The following PAK2 variants were observed in gnomAD, a reference collection of about 807,000 sequenced individuals.
PAK2 encodes the protein serine/threonine-protein kinase PAK 2.
In PAK2, 21 loss-of-function variants were observed where a neutral mutation model predicts 65.9. That is an observed-to-expected ratio of 0.32 (90% CI 0.23 to 0.46). The LOEUF (loss-of-function observed/expected upper bound fraction) is 0.46. Among genes scored for constraint, PAK2 ranks in the 20% least tolerant of loss-of-function variants. The probability of loss-of-function intolerance (pLI) is 1.00; values close to 1 mark genes in which losing one functional copy is unlikely to be tolerated. For synonymous variants in PAK2, 204 were observed against 219.7 expected (o/e 0.93, Z 0.63); for missense variants, 324 against 642.6 (o/e 0.50, Z 5.36).
Position 196,822,765 on chromosome 3 carries a change from G to A in PAK2, c.1350+2198G>A, listed in dbSNP as rs553027614. 1.4e-4 allele frequency among the ~76,000 whole-genome samples: 22 copies of A among 152,220 alleles called. 1 individual carries two copies. The highest frequency in any genetic ancestry group is 1.4e-3 in the Admixed American group (22 of 15,278). ...GCGTGCATAGGGAGGGCTTCCCTGAGGTGACATTTGGACACAGGAAGTAAG... is the reference window on the plus strand; with the variant it reads ...GCGTGCATAGGGAGGGCTTCCCTGAAGTGACATTTGGACACAGGAAGTAAG... On this transcript the variant is annotated intron_variant, in intron 13 of 14. Transcript: ENST00000327134.
intron 1 of PAK2, among the ~76,000 whole-genome samples, chr3:196,746,112 C>T (rs757706811): frequency 6.6e-5 from 10 of 152,050 alleles, no homozygotes; most frequent in Admixed American, 2.0e-4. Flanking sequence ...CATGAGCCAC[C>T]GTGCCCAGCC....
At chr3:196,781,983 G>A (rs188107159) in intron 1 of PAK2, among the ~76,000 whole-genome samples, 12 of 152,290 alleles carry the variant, frequency 7.9e-5, no homozygotes, top group Admixed American at 7.8e-4. Flanking sequence ...GCATGCGGCT[G>A]TAATTCCACC....
At chr3:196,779,310 T>C (rs1029578241) in intron 1 of PAK2, among the ~76,000 whole-genome samples, 2 of 152,202 alleles carry the variant, frequency 1.3e-5, no homozygotes, top group African/African-American at 4.8e-5. Flanking sequence ...CTATGGAAAA[T>C]CTTTCCTGTG....
Position 196,806,630 on chromosome 3 carries a change from G to A in PAK2, c.520G>A (p.Asp174Asn), listed in dbSNP as rs752528310. ...CGCAGTAGTGACAGAGGAGGAGGAT[G>A]ATGATGAAGAGACTGCTCCTCCCGT... is the stretch of plus-strand genomic sequence containing the variant. Reference protein sequence around the residue: ...APAVVTEEEDDDEETAPPVIA... With the variant: ...APAVVTEEEDNDEETAPPVIA... The change falls in exon 6 of 15, where the codon GAT (aspartate) becomes AAT (asparagine). Residue 174 changes from aspartate (D) to asparagine (N), a missense_variant. Coordinates refer to ENST00000327134, the MANE Select transcript of PAK2 (RefSeq NM_002577.4). 6.2e-7 allele frequency: 1 copy of A among 1,613,550 alleles called. No individual in the cohort carries two copies. The highest frequency in any genetic ancestry group is 1.1e-5 in the South Asian group (1 of 91,074).
rs761722491 is a variant in PAK2 at position 196,749,260 on chromosome 3, AC to A, written c.-22+9106del. Among the ~76,000 whole-genome samples, 4 of 152,148 alleles carry A rather than the reference AC, an allele frequency of 2.6e-5. No individual in the cohort carries two copies. In the South Asian group the frequency reaches 6.2e-4, roughly 24 times the overall value. ...TTGTTTTCAGTTATTTCGGGTACAT[AC>A]CCAGAATGGAATTGCTGGGTCATAT... On this transcript the variant is annotated intron_variant, in intron 1 of 14. Coordinates refer to ENST00000327134, the MANE Select transcript of PAK2 (RefSeq NM_002577.4).
At chr3:196,793,133 C>A (rs1035717466) in intron 2 of PAK2, among the ~76,000 whole-genome samples, 4 of 152,150 alleles carry the variant, frequency 2.6e-5, no homozygotes, top group African/African-American at 7.2e-5. Context: ...CCCCAGGACT[C>A]CTCCTTTACA....
chr3:196,813,647 T>C (rs926253163), intron 10 of PAK2, among the ~76,000 whole-genome samples: 10 of 152,186 alleles, frequency 6.6e-5, no homozygotes, highest in African/African-American at 2.2e-4. Flanking sequence ...ATGGAGAACA[T>C]GTTCATAGAA....
At chr3:196,754,237 T>C (rs567539335) in intron 1 of PAK2, among the ~76,000 whole-genome samples, 1 of 152,268 alleles carries the variant, frequency 6.6e-6, no homozygotes, top group East Asian at 1.9e-4. Flanking sequence ...GTAAGTTAGG[T>C]TCTGCTTTTG....
At chr3:196,801,362 T>C (rs1177216405) in intron 2 of PAK2, among the ~76,000 whole-genome samples, 1 of 152,150 alleles carries the variant, frequency 6.6e-6, no homozygotes, top group Non-Finnish European at 1.5e-5. Context: ...GGCCTGCCGT[T>C]GGTCACTCCA....
At chr3:196,776,818 T>G (rs143459891) in intron 1 of PAK2, among the ~76,000 whole-genome samples, 1 of 152,350 alleles carries the variant, frequency 6.6e-6, no homozygotes, top group African/African-American at 2.4e-5. Context: ...ACAAGAAGAT[T>G]CATTGCTGTG....
At chr3:196,778,707 T>A (rs889078335) in intron 1 of PAK2, among the ~76,000 whole-genome samples, 2 of 152,226 alleles carry the variant, frequency 1.3e-5, no homozygotes, top group African/African-American at 2.4e-5. Context: ...CAGGATCCAA[T>A]CCAGGGTGTC....
chr3:196,778,166 C>T (rs756962534), intron 1 of PAK2, among the ~76,000 whole-genome samples: 5 of 152,136 alleles, frequency 3.3e-5, no homozygotes, highest in African/African-American at 7.2e-5. Context: ...CAATATGTGG[C>T]CTTTTATGGC....
In PAK2 at chr3:196,779,676, T is replaced by G. The variant is rs1428004186; in HGVS notation, c.-21-2950T>G. Among the ~76,000 whole-genome samples the G allele has an allele frequency of 3.9e-5, 6 of 152,140 alleles. No homozygotes were observed. The East Asian group carries it at 9.6e-4, about 24-fold the overall frequency. ...GTGCCCTGTTTTTGTTGTTGTTGTT[T>G]TTTGTTTTGTTTTTGAGATGATGTC... On this transcript the variant is annotated intron_variant, in intron 1 of 14. Coordinates refer to ENST00000327134, the MANE Select transcript of PAK2 (RefSeq NM_002577.4).
chr3:196,811,308 C>CCCTTCCTTT, intron 8 of PAK2, among the ~76,000 whole-genome samples: 1 of 22,752 alleles, frequency 4.4e-5, no homozygotes. Flanking sequence ...TCCCTTCCTT[C>CCCTTCCTTT]CCTTCCTTTC....
chr3:196,808,055 A>G, intron 7 of PAK2, 141 bp downstream of exon 7: 1 of 717,746 alleles, frequency 1.4e-6, no homozygotes, highest in South Asian at 2.0e-5. Flanking sequence ...CAGTAGCTTC[A>G]ATTACAATCT....
At chr3:196,811,772 A>G (rs955056725) in intron 8 of PAK2, among the ~76,000 whole-genome samples, 2 of 152,084 alleles carry the variant, frequency 1.3e-5, no homozygotes, top group Non-Finnish European at 2.9e-5. Context: ...AGGGATACAT[A>G]TCTGCGTCCT....
chr3:196,787,397 G>A (rs1714924801), intron 2 of PAK2, among the ~76,000 whole-genome samples: 1 of 151,882 alleles, frequency 6.6e-6, no homozygotes, highest in Non-Finnish European at 1.5e-5. Context: ...TGGCTAACAA[G>A]GTGAAACGCC....
At chr3:196,774,054 A>T (rs574124075) in intron 1 of PAK2, among the ~76,000 whole-genome samples, 70 of 152,310 alleles carry the variant, frequency 4.6e-4, no homozygotes, top group Admixed American at 2.0e-3. Context: ...CAACAAAAAA[A>T]ATCTGTGGAC....
At chr3:196,771,650 C>T (rs1196144394) in intron 1 of PAK2, among the ~76,000 whole-genome samples, 1 of 152,124 alleles carries the variant, frequency 6.6e-6, no homozygotes, top group African/African-American at 2.4e-5. Context: ...CCTCTGCCTC[C>T]CAGGTTCAAG....
Sources: allele counts gnomAD v4.1 joint callset (sites outside exome capture counted in the v4.1 genomes callset), GRCh38; gene constraint gnomAD v4.1.1; transcripts MANE v1.5; gene names NCBI Gene and HGNC (gene_info 2026-07-23, HGNC 2026-07-21).